The following GPHN variants were observed in gnomAD, a reference collection of about 807,000 sequenced individuals.
GPHN encodes gephyrin.
In GPHN, 17 loss-of-function variants were observed where a neutral mutation model predicts 95.5. That is an observed-to-expected ratio of 0.18 (90% CI 0.12 to 0.27). The LOEUF (loss-of-function observed/expected upper bound fraction) is 0.27. Ranked by LOEUF, GPHN falls within the 10% of genes least tolerant of loss-of-function variation. The pLI, the probability that GPHN is intolerant of heterozygous loss-of-function variation, is 1.00. For missense variants in GPHN, 660 were observed against 978.1 expected (o/e 0.67, Z 4.34); for synonymous variants, 320 against 322.5 (o/e 0.99, Z 0.08).
At chr14:66,697,930 A>G (rs1190587396) in intron 2 of GPHN, among the ~76,000 whole-genome samples, 1 of 152,050 alleles carries the variant, frequency 6.6e-6, no homozygotes, top group East Asian at 1.9e-4. Context: ...CCTGGGCATA[A>G]GAGATCCTCC....
At chr14:67,131,008 G>A (rs973907801) in intron 17 of GPHN, among the ~76,000 whole-genome samples, 5 of 152,078 alleles carry the variant, frequency 3.3e-5, no homozygotes, top group African/African-American at 1.2e-4. Flanking sequence ...TCTTTTCCCC[G>A]AGGCTGGTTC....
the GPHN span, among the ~76,000 whole-genome samples, chr14:67,631,606 TTTA>T: frequency 6.6e-6 from 1 of 152,008 alleles, no homozygotes; most frequent in Non-Finnish European, 1.5e-5. Flanking sequence ...AGTTAACTTA[TTTA>T]TTTTTAGATA....
At chr14:66,596,381 C>A (rs2061973629) in intron 1 of GPHN, among the ~76,000 whole-genome samples, 1 of 152,110 alleles carries the variant, frequency 6.6e-6, no homozygotes, top group African/African-American at 2.4e-5. Flanking sequence ...CCATCTAGGC[C>A]TGTCTGCCTC....
intron 10 of GPHN, among the ~76,000 whole-genome samples, chr14:67,032,336 C>A (rs530857623): frequency 6.6e-5 from 10 of 152,272 alleles, no homozygotes; most frequent in African/African-American, 2.2e-4. Context: ...TGCTGTAGTA[C>A]CACAGGGCCT....
intron 7 of GPHN, among the ~76,000 whole-genome samples, 171 bp downstream of exon 7, chr14:66,923,109 A>G (rs2066304645): frequency 1.3e-5 from 2 of 152,148 alleles, no homozygotes; most frequent in African/African-American, 4.8e-5. Flanking sequence ...CTTGATATAG[A>G]TTCCTTGAAG....
At chr14:67,692,400 C>T in the GPHN span, 1 of 1,609,056 alleles carries the variant, frequency 6.2e-7, no homozygotes, top group Non-Finnish European at 8.5e-7. Context: ...ATGTTGACCT[C>T]AAGACCCACA....
At chr14:66,634,479 A>G (rs2153346024) in intron 1 of GPHN, among the ~76,000 whole-genome samples, 1 of 152,248 alleles carries the variant, frequency 6.6e-6, no homozygotes, top group Non-Finnish European at 1.5e-5. Context: ...ACTGATCCTC[A>G]GGCCTCTAGG....
chr14:66,985,875 C>T, intron 9 of GPHN: 1 of 559,642 alleles, frequency 1.8e-6, no homozygotes, highest in Non-Finnish European at 3.1e-6. Flanking sequence ...TTTTTATTGG[C>T]TGTTGGGTCA....
chr14:67,150,142 C>T (rs765757339), intron 18 of GPHN, among the ~76,000 whole-genome samples: 5 of 151,964 alleles, frequency 3.3e-5, no homozygotes, highest in Non-Finnish European at 7.4e-5. Context: ...AACATAATAA[C>T]TATTAACATT....
At chr14:67,362,174 C>T in the GPHN span, among the ~76,000 whole-genome samples, 1 of 151,850 alleles carries the variant, frequency 6.6e-6, no homozygotes, top group Admixed American at 6.6e-5. Flanking sequence ...TGCCTGCCAC[C>T]ACACCCAGCT....
chr14:67,077,733 T>C (rs1234739908), intron 11 of GPHN, among the ~76,000 whole-genome samples: 3 of 152,146 alleles, frequency 2.0e-5, no homozygotes, highest in East Asian at 3.8e-4. Context: ...ATCACTGTTA[T>C]CATATGGAAA....
At chr14:67,020,214 G>A (rs987234074) in intron 9 of GPHN, among the ~76,000 whole-genome samples, 4 of 152,084 alleles carry the variant, frequency 2.6e-5, no homozygotes, top group African/African-American at 7.2e-5. Flanking sequence ...TGCATTTAAC[G>A]TAAGTTGAAA....
the GPHN span, among the ~76,000 whole-genome samples, chr14:67,449,588 T>C: frequency 6.6e-6 from 1 of 152,110 alleles, no homozygotes. Context: ...GATAGTGCTA[T>C]GTGGTATAGC....
chr14:67,007,332 A>T (rs949819882), intron 9 of GPHN, among the ~76,000 whole-genome samples: 1 of 152,210 alleles, frequency 6.6e-6, no homozygotes, highest in Non-Finnish European at 1.5e-5. Flanking sequence ...TAAATACAGT[A>T]ATTGAACCAC....
At chr14:67,132,723 C>T (rs2079798390) in intron 17 of GPHN, among the ~76,000 whole-genome samples, 2 of 151,936 alleles carry the variant, frequency 1.3e-5, no homozygotes, top group South Asian at 4.1e-4. Context: ...CTAGGTATTA[C>T]TGTAGCTTTA....
the GPHN span, among the ~76,000 whole-genome samples, chr14:67,303,024 A>G: frequency 6.6e-6 from 1 of 152,236 alleles, no homozygotes; most frequent in African/African-American, 2.4e-5. Flanking sequence ...AGCTGCATAT[A>G]GCTATTTCTG....
the GPHN span, chr14:67,320,346 C>A: frequency 1.2e-6 from 2 of 1,612,468 alleles, no homozygotes; most frequent in Non-Finnish European, 8.5e-7. Context: ...GAATGAATTG[C>A]GTCAGAGGCT....
chr14:66,848,264 T>G (rs1179343245), intron 4 of GPHN, among the ~76,000 whole-genome samples: 3 of 152,116 alleles, frequency 2.0e-5, no homozygotes, highest in Non-Finnish European at 4.4e-5. Context: ...ATAGCCGTAG[T>G]AGTACATGTA....
intron 8 of GPHN, among the ~76,000 whole-genome samples, chr14:66,929,005 G>GT (rs1238049441): frequency 6.7e-6 from 1 of 149,770 alleles, no homozygotes; most frequent in Non-Finnish European, 1.5e-5. Flanking sequence ...TATTCCATAA[G>GT]TATCTATTAG....
Sources: gnomAD v4.1 joint callset for allele counts (sites outside exome capture counted in the v4.1 genomes callset) on GRCh38, gnomAD v4.1.1 for gene constraint, MANE v1.5 for transcripts, NCBI Gene and HGNC (gene_info 2026-07-23, HGNC 2026-07-21) for gene names.